The following FAM110C variants were observed in gnomAD, a reference collection of about 807,000 sequenced individuals.
FAM110C encodes the protein protein FAM110C.
FAM110C carries 19 observed loss-of-function variants against 15.7 expected under a neutral mutation model. The observed-to-expected ratio is 1.21, with a 90% confidence interval of 0.85 to 1.78. FAM110C has a LOEUF of 1.78. FAM110C is among the 40% of genes most tolerant of loss of function. The pLI is 0.00. For synonymous variants in FAM110C, 275 were observed against 233.9 expected, an observed-to-expected ratio of 1.18 and a Z score of -1.61; for missense variants, 547 against 495.7, an observed-to-expected ratio of 1.10 and a Z score of -0.98.
In FAM110C at chr2:39,611, G is replaced by A. The variant is rs1477246576; in HGVS notation, c.*1997C>T. The A allele has an allele frequency of 6.6e-6, 1 of 151,982 alleles. No individual in the cohort carries two copies. The highest frequency in any genetic ancestry group is 1.9e-4 in the East Asian group (1 of 5,182). 9.4% of individuals were successfully genotyped at this position (151,982 alleles called of 1,614,324 possible). A position where few individuals can be genotyped will look rare whatever the true frequency, so the allele number is the denominator to read the frequency against. ...CAGCTGAATTCTTCTCTTTTCCTGTGCCACCACCAAAGGTGCAAACATTTC... is the reference window on the plus strand; with the variant it reads ...CAGCTGAATTCTTCTCTTTTCCTGTACCACCACCAAAGGTGCAAACATTTC... On this transcript the variant is annotated 3_prime_UTR_variant, in exon 2 of 2. Transcript: ENST00000327669.
At position 45,954 on chromosome 2, in the gene FAM110C, GC is replaced by G; in HGVS notation, c.431del (p.Gly144AlafsTer49). ...GGACCGTCTCCGGGTTCCCGGCCTT[GC>G]CCTCGTCTCCCGTCCGGGGCACCGG... ...KAPVPRTGDE[G>X]KAGNPETVPT... On this transcript the variant is annotated frameshift_variant, in exon 1 of 2. Transcript: ENST00000327669. LOFTEE classifies it high-confidence loss of function. The G allele has an allele frequency of 7.0e-7, 1 of 1,437,258 alleles. No homozygotes were observed. The highest frequency in any genetic ancestry group is 9.1e-7 in the Non-Finnish European group (1 of 1,103,176). 89.0% of individuals were successfully genotyped at this position (1,437,258 alleles called of 1,614,324 possible). A position where few individuals can be genotyped will look rare whatever the true frequency, so the allele number is the denominator to read the frequency against.
At chr2:43,261 AT>A in intron 1 of FAM110C, 1 of 985,426 alleles carries the variant, frequency 1.0e-6, no homozygotes, top group Non-Finnish European at 1.2e-6. Flanking sequence ...CCAATTCCAT[AT>A]AAAAACTGGG....
chr2:46,090 G>C lies in FAM110C; in HGVS notation c.296C>G (p.Ser99Trp). ...GCATTTCTGCCGGTAGATGATCAGC[G>C]AGTCCGGTCTCAACGGCTTCCGCGC... The part of the protein sequence containing the change: ...AIARKPLRPD[S>W]LIIYRQKCEF... The change falls in exon 1 of 2, where the codon TCG becomes TGG. Residue 99 changes from serine (S) to tryptophan (W), a missense_variant. Coordinates refer to ENST00000327669, the MANE Select transcript of FAM110C (RefSeq NM_001077710.3). 6.6e-7 allele frequency: 1 copy of C among 1,520,658 alleles called. No homozygotes were observed. The highest frequency in any genetic ancestry group is 1.2e-5 in the South Asian group (1 of 82,114). 94.2% of individuals were successfully genotyped at this position (1,520,658 alleles called of 1,614,324 possible). A position where few individuals can be genotyped will look rare whatever the true frequency, so the allele number is the denominator to read the frequency against.
rs2103267583 is a variant in FAM110C at position 39,202 on chromosome 2, A to G, written c.*2406T>C. 1 of 152,368 alleles carries G rather than the reference A, an allele frequency of 6.6e-6. No individual in the cohort carries two copies. The highest frequency in any genetic ancestry group is 1.5e-5 in the Non-Finnish European group (1 of 68,034). The allele number at this position is 152,368 out of a possible 1,614,324, so 9.4% of individuals were successfully genotyped here. On this transcript the variant is annotated 3_prime_UTR_variant, in exon 2 of 2. Coordinates refer to ENST00000327669, the MANE Select transcript of FAM110C (RefSeq NM_001077710.3). ...TGAACTAAACAGTCTGATTTTTCTC[A>G]AAGTCACTCAGCAAATTGCGGTAAT...
intron 1 of FAM110C, chr2:44,715 A>G: frequency 1.0e-6 from 1 of 985,414 alleles, no homozygotes; most frequent in Non-Finnish European, 1.2e-6. Context: ...TGGTTGTCCA[A>G]AGGGAGGTTA....
chr2:42,069 C>A, intron 1 of FAM110C: 3 of 985,402 alleles, frequency 3.0e-6, no homozygotes, highest in Non-Finnish European at 3.6e-6. Context: ...AGGCGCGGGT[C>A]ACACGACAGG....
At chr2:44,434 TG>T (rs1249074684) in intron 1 of FAM110C, 1 of 985,328 alleles carries the variant, frequency 1.0e-6, no homozygotes, top group Non-Finnish European at 1.2e-6. Flanking sequence ...CAGGCTGCCA[TG>T]CATCTTCACT....
chr2:40,223 A>G lies in FAM110C; in HGVS notation c.*1385T>C, dbSNP rs1664088258. ...AAATAAAACTATCTGAAGACTAATA[A>G]CTGTGTAAAAATAAATATCTAAGTA... is the stretch of plus-strand genomic sequence containing the variant. On this transcript the variant is annotated 3_prime_UTR_variant, in exon 2 of 2. Coordinates refer to ENST00000327669, the MANE Select transcript of FAM110C (RefSeq NM_001077710.3). 6.6e-6 allele frequency: 1 copy of G among 152,208 alleles called. No homozygotes were observed. The highest frequency in any genetic ancestry group is 2.1e-4 in the South Asian group (1 of 4,834). The allele number at this position is 152,208 out of a possible 1,614,324, so 9.4% of individuals were successfully genotyped here.
chr2:45,681 C>A lies in FAM110C; in HGVS notation c.705G>T (p.Glu235Asp). The change falls in exon 1 of 2, where the codon GAG becomes GAT. Residue 235 changes from glutamate (E) to aspartate (D), a missense_variant. Physicochemically the swap from Glu to Asp is conservative, Grantham distance 45. Transcript: ENST00000327669. The stretch of plus-strand genomic sequence containing the variant: ...CACAGTCCGACCCCGCGGTGAAGTT[C>A]TCCCTCCCCAGGGCCTCCACCACCT... Reference protein sequence around the residue: ...DPEVVEALGRENFTAGSDCVT... With the variant: ...DPEVVEALGRDNFTAGSDCVT... 3 of 1,606,710 alleles carry A rather than the reference C, an allele frequency of 1.9e-6. No homozygotes were observed. The highest frequency in any genetic ancestry group is 1.1e-5 in the South Asian group (1 of 90,254).
chr2:45,355 T>C, intron 1 of FAM110C, 85 bp downstream of exon 1: 3 of 1,498,862 alleles, frequency 2.0e-6, no homozygotes. Flanking sequence ...CAGCTGTAAC[T>C]GGCCATCGCC....
chr2:46,321 G>T lies in FAM110C; in HGVS notation c.65C>A (p.Ala22Asp). Residue 22 changes from alanine (A) to aspartate (D), a missense_variant, in exon 1 of 2, where the codon GCT becomes GAT. By Grantham distance (126) the Ala-to-Asp change is moderately radical (BLOSUM62 -2). Transcript: ENST00000327669. ...CCGCGCGGCGTCGGGGTCCCGGGTA[G>T]CCGCGGGGTCCCGGGGAAGGAGCCG... is the stretch of plus-strand genomic sequence containing the variant. ...NERLLPRDPA[A>D]TRDPDAARPA... The T allele has an allele frequency of 7.5e-7, 1 of 1,327,030 alleles. No individual in the cohort carries two copies. The highest frequency in any genetic ancestry group is 9.6e-7 in the Non-Finnish European group (1 of 1,045,818). 82.2% of individuals were successfully genotyped at this position (1,327,030 alleles called of 1,614,324 possible). A position where few individuals can be genotyped will look rare whatever the true frequency, so the allele number is the denominator to read the frequency against.
intron 1 of FAM110C, chr2:45,121 T>C: frequency 2.0e-6 from 2 of 985,458 alleles, no homozygotes; most frequent in Non-Finnish European, 2.4e-6. Context: ...TGGCAGCATT[T>C]TGGATTTCTC....
Position 41,471 on chromosome 2 carries a change from A to T in FAM110C, c.*137T>A. 1 of 958,338 alleles carries T rather than the reference A, an allele frequency of 1.0e-6. No individual in the cohort carries two copies. The highest frequency in any genetic ancestry group is 1.6e-6 in the Non-Finnish European group (1 of 640,376). 59.4% of individuals were successfully genotyped at this position (958,338 alleles called of 1,614,324 possible). ...GTTCCCATATTCTCTGTAGTATTTT[A>T]AACCTTCTCAGAGCACTTGTTTTGT... is the stretch of plus-strand genomic sequence containing the variant. On this transcript the variant is annotated 3_prime_UTR_variant, in exon 2 of 2. Coordinates refer to ENST00000327669, the MANE Select transcript of FAM110C (RefSeq NM_001077710.3).
At chr2:45,282 G>T (rs973151932) in intron 1 of FAM110C, 158 bp downstream of exon 1, 6 of 985,392 alleles carry the variant, frequency 6.1e-6, no homozygotes, top group Non-Finnish European at 7.2e-6. Flanking sequence ...CAACTCACAA[G>T]CCTCTGCGTC....
At chr2:43,129 C>G (rs939302872) in intron 1 of FAM110C, 2 of 985,324 alleles carry the variant, frequency 2.0e-6, no homozygotes, top group Non-Finnish European at 2.4e-6. Context: ...CTGTTCTCCT[C>G]ATACACCCCA....
At chr2:43,454 C>T (rs780674079) in intron 1 of FAM110C, 128 of 985,340 alleles carry the variant, frequency 1.3e-4, no homozygotes, top group Non-Finnish European at 1.5e-4. Context: ...CCTGCTCTCA[C>T]TTTCCCTCTT....
rs1294288194 is a variant in FAM110C, at chr2:39,652, G to A, written c.*1956C>T. The A allele has an allele frequency of 2.6e-5, 4 of 152,090 alleles. No homozygotes were observed. The highest frequency in any genetic ancestry group is 7.2e-5 in the African/African-American group (3 of 41,410). The allele number at this position is 152,090 out of a possible 1,614,324, so 9.4% of individuals were successfully genotyped here. ...CAAACATTTCTAAAAGATCTTGGTG[G>A]CTTTAGTGGAAACCATTTGGTTTTT... is the stretch of plus-strand genomic sequence containing the variant. On this transcript the variant is annotated 3_prime_UTR_variant, in exon 2 of 2. Coordinates refer to ENST00000327669, the MANE Select transcript of FAM110C (RefSeq NM_001077710.3).
chr2:40,846 G>C lies in FAM110C; in HGVS notation c.*762C>G, dbSNP rs569593017. ...CCAAAGGAAACTCCAAGATTCTTCC[G>C]CTAACTCTCCAGAAACTGTCCAGTT... On this transcript the variant is annotated 3_prime_UTR_variant, in exon 2 of 2. Transcript: ENST00000327669. 2.0e-5 allele frequency: 3 copies of C among 152,154 alleles called. No individual in the cohort carries two copies. The highest frequency in any genetic ancestry group is 4.4e-5 in the Non-Finnish European group (3 of 68,022). 9.4% of individuals were successfully genotyped at this position (152,154 alleles called of 1,614,324 possible).
Position 45,785 on chromosome 2 carries a change from G to T in FAM110C, c.601C>A (p.Gln201Lys). The T allele has an allele frequency of 1.3e-6, 2 of 1,564,056 alleles. No individual in the cohort carries two copies. The highest frequency in any genetic ancestry group is 8.6e-7 in the Non-Finnish European group (1 of 1,157,744). ...GAATAGCGGGAGCTGAGGTCCGACT[G>T]TGAGCGCTGCAGCCCCCGACGCCTC... ...VVRRRGLQRS[Q>K]SDLSSRYSAA... The change falls in exon 1 of 2, where the codon CAG becomes AAG. Residue 201 changes from glutamine (Q) to lysine (K), a missense_variant. Physicochemically the swap from Gln to Lys is moderately conservative, Grantham distance 53 (BLOSUM62 1). Coordinates refer to ENST00000327669, the MANE Select transcript of FAM110C (RefSeq NM_001077710.3).
Sources: allele counts gnomAD v4.1 joint callset, GRCh38; gene constraint gnomAD v4.1.1; transcripts MANE v1.5; gene names NCBI Gene and HGNC (gene_info 2026-07-23, HGNC 2026-07-21).